Variants in CTNNA3 observed in about 807,000 individuals in gnomAD.
The protein encoded by CTNNA3 is catenin alpha-3.
Under a neutral mutation model 95.7 loss-of-function variants are expected in CTNNA3, and 76 were observed. The ratio of observed to expected loss-of-function variants is 0.79; its 90% CI spans 0.66 to 0.96. CTNNA3 has a LOEUF of 0.96. CTNNA3 is among the 40% of genes least tolerant of loss of function. The probability of loss-of-function intolerance (pLI) is 0.00; values close to 1 mark genes in which losing one functional copy is unlikely to be tolerated. For synonymous variants in CTNNA3, 431 were observed against 374.4 expected (o/e 1.15, Z -1.74); for missense variants, 1,191 against 1,089.8 (o/e 1.09, Z -1.31).
At chr10:66,563,840 A>G (rs1041161400) in intron 10 of CTNNA3, among the ~76,000 whole-genome samples, 12 of 152,126 alleles carry the variant, frequency 7.9e-5, no homozygotes, top group Admixed American at 7.2e-4. Context: ...TTGTGTATTC[A>G]GTGAAAGGAT....
chr10:66,157,163 C>G (rs956449542), intron 13 of CTNNA3, among the ~76,000 whole-genome samples: 2 of 151,794 alleles, frequency 1.3e-5, no homozygotes, highest in African/African-American at 4.8e-5. Context: ...TACGCTGCAC[C>G]TTATTTGTAG....
chr10:65,929,090 T>C (rs1014344200), intron 17 of CTNNA3, among the ~76,000 whole-genome samples: 3 of 148,548 alleles, frequency 2.0e-5, no homozygotes. Context: ...GTGTTCTCAT[T>C]GTTCAATTCT....
chr10:67,693,239 CT>C, intron 1 of CTNNA3, among the ~76,000 whole-genome samples: 1 of 152,300 alleles, frequency 6.6e-6, no homozygotes, highest in South Asian at 2.1e-4. Context: ...TTCAAAAATT[CT>C]GCAGCCTCAA....
intron 10 of CTNNA3, among the ~76,000 whole-genome samples, chr10:66,578,419 C>T (rs1843073429): frequency 6.6e-6 from 1 of 151,976 alleles, no homozygotes; most frequent in South Asian, 2.1e-4. Flanking sequence ...ATGCTTCCAG[C>T]TTTCACCTAA....
intron 13 of CTNNA3, among the ~76,000 whole-genome samples, chr10:66,134,179 A>G (rs1330547822): frequency 6.6e-6 from 1 of 152,168 alleles, no homozygotes; most frequent in Non-Finnish European, 1.5e-5. Flanking sequence ...AAAAAAGAAC[A>G]TTAAAGTGAT....
chr10:66,233,658 A>T (rs759681752), intron 13 of CTNNA3, among the ~76,000 whole-genome samples: 3 of 145,284 alleles, frequency 2.1e-5, no homozygotes, highest in Non-Finnish European at 1.5e-5. Context: ...GACTGATATC[A>T]TTGAGTGTTG....
chr10:66,522,026 A>G (rs971944203), intron 10 of CTNNA3, among the ~76,000 whole-genome samples: 14 of 152,138 alleles, frequency 9.2e-5, no homozygotes, highest in Admixed American at 7.9e-4. Context: ...ACCAATTAAG[A>G]TGTCTATGGT....
At chr10:66,739,345 G>T (rs79321292) in intron 9 of CTNNA3, among the ~76,000 whole-genome samples, 78 of 152,250 alleles carry the variant, frequency 5.1e-4, no homozygotes, top group African/African-American at 1.8e-3. Flanking sequence ...CAAGTCCCAG[G>T]TGATGCTGAT....
intron 3 of CTNNA3, among the ~76,000 whole-genome samples, chr10:67,559,817 G>A (rs1173385733): frequency 1.3e-5 from 2 of 152,128 alleles, no homozygotes; most frequent in African/African-American, 4.8e-5. Flanking sequence ...TGAAAACCAA[G>A]GTTCGAGAAT....
At chr10:66,735,914 T>C (rs1480825100) in intron 9 of CTNNA3, among the ~76,000 whole-genome samples, 1 of 152,194 alleles carries the variant, frequency 6.6e-6, no homozygotes, top group Admixed American at 6.5e-5. Flanking sequence ...AATAGGGGCT[T>C]TATGGAGCAT....
intron 12 of CTNNA3, among the ~76,000 whole-genome samples, chr10:66,334,381 A>T (rs1244179371): frequency 6.6e-6 from 1 of 151,526 alleles, no homozygotes; most frequent in Non-Finnish European, 1.5e-5. Context: ...GTTCCTTTCC[A>T]TGTGTAGTGC....
At chr10:66,187,951 A>C (rs895939873) in intron 13 of CTNNA3, among the ~76,000 whole-genome samples, 6 of 152,158 alleles carry the variant, frequency 3.9e-5, no homozygotes, top group Non-Finnish European at 8.8e-5. Flanking sequence ...TTACTAAATA[A>C]AGACTTTAAG....
Position 66,329,151 on chromosome 10 carries a change from A to G in CTNNA3, c.1733-48530T>C, listed in dbSNP as rs10997066. 2.6e-3 allele frequency among the ~76,000 whole-genome samples: 400 copies of G among 151,488 alleles called. 10 individuals are homozygous for G. The East Asian group carries it at 0.055, about 21-fold the overall frequency. On this transcript the variant is annotated intron_variant, in intron 12 of 17. Coordinates refer to ENST00000433211, the MANE Select transcript of CTNNA3 (RefSeq NM_013266.4). ...TTATTAGTAGAGATGGGGTTTCACC[A>G]TATCGGCCAGGCTGGTATCGAACCC... is the stretch of plus-strand genomic sequence containing the variant.
At chr10:67,017,040 C>A (rs1287421853) in intron 7 of CTNNA3, among the ~76,000 whole-genome samples, 1 of 152,020 alleles carries the variant, frequency 6.6e-6, no homozygotes, top group Non-Finnish European at 1.5e-5. Context: ...GGTGTCTGTA[C>A]AAAAATTAAT....
chr10:66,076,173 A>G (rs1346406785), intron 14 of CTNNA3, among the ~76,000 whole-genome samples: 1 of 151,658 alleles, frequency 6.6e-6, no homozygotes, highest in African/African-American at 2.4e-5. Flanking sequence ...GCGTGTCTCA[A>G]ATTTAATAGT....
In CTNNA3 at chr10:66,864,699, T is replaced by C. The variant is rs1844092996; in HGVS notation, c.1048-89175A>G. On this transcript the variant is annotated intron_variant, in intron 7 of 17. Coordinates refer to ENST00000433211, the MANE Select transcript of CTNNA3 (RefSeq NM_013266.4). ...TATCTATAAAAAAAAAGTTTCTATT[T>C]TGCAACATTGCAAACACTGCAATAG... 1.3e-5 allele frequency among the ~76,000 whole-genome samples: 2 copies of C among 152,144 alleles called. 1 individual carries two copies. Among genetic ancestry groups the C allele is most frequent in the South Asian group, 4.1e-4 (2 of 4,828 alleles).
intron 9 of CTNNA3, among the ~76,000 whole-genome samples, chr10:66,764,916 C>A (rs36028815): frequency 0.045 from 6,837 of 152,202 alleles, 253 homozygotes; most frequent in East Asian, 0.23. Context: ...TTTGAGTCAA[C>A]CTCTCATTTA....
At chr10:67,489,603 T>C (rs1289911332) in intron 5 of CTNNA3, among the ~76,000 whole-genome samples, 1 of 152,128 alleles carries the variant, frequency 6.6e-6, no homozygotes, top group Non-Finnish European at 1.5e-5. Flanking sequence ...GGAAATGAAG[T>C]GCCAAATTGT....
chr10:66,977,558 T>C (rs1252312845), intron 7 of CTNNA3, among the ~76,000 whole-genome samples: 1 of 152,218 alleles, frequency 6.6e-6, no homozygotes, highest in Non-Finnish European at 1.5e-5. Flanking sequence ...TTTTCTATGC[T>C]TCACTGTCAC....
Sources: allele counts gnomAD v4.1 joint callset (sites outside exome capture counted in the v4.1 genomes callset), GRCh38; gene constraint gnomAD v4.1.1; transcripts MANE v1.5; gene names NCBI Gene and HGNC (gene_info 2026-07-23, HGNC 2026-07-21).